TMEM132D: variants seen among roughly 807,000 people sequenced by gnomAD.
The protein encoded by TMEM132D is transmembrane protein 132D, also known as mature OL transmembrane protein.
TMEM132D carries 21 observed loss-of-function variants against 62.3 expected under a neutral mutation model. That is an observed-to-expected ratio of 0.34 (90% CI 0.24 to 0.49). The LOEUF (loss-of-function observed/expected upper bound fraction) is 0.49, where lower values mean the gene tolerates loss of function less well. Ranked by LOEUF, TMEM132D falls within the 20% of genes least tolerant of loss-of-function variation. The probability of loss-of-function intolerance (pLI) is 0.99; values close to 1 mark genes in which losing one functional copy is unlikely to be tolerated. For missense variants in TMEM132D, 1,346 were observed against 1,402.8 expected, an observed-to-expected ratio of 0.96 and a Z score of 0.65; for synonymous variants, 621 against 575.6, an observed-to-expected ratio of 1.08 and a Z score of -1.13.
chr12:129,690,483 A>T (rs1881038372), intron 2 of TMEM132D, among the ~76,000 whole-genome samples: 1 of 152,186 alleles, frequency 6.6e-6, no homozygotes, highest in Non-Finnish European at 1.5e-5. Flanking sequence ...GACTTTAACA[A>T]GTTAAAAGTA....
chr12:129,901,699 A>G (rs541689035), intron 1 of TMEM132D, among the ~76,000 whole-genome samples: 6 of 152,352 alleles, frequency 3.9e-5, no homozygotes, highest in African/African-American at 1.2e-4. Context: ...AACACTGCTC[A>G]GTCTAATAAA....
intron 3 of TMEM132D, among the ~76,000 whole-genome samples, chr12:129,392,502 C>A (rs1167783998): frequency 3.3e-5 from 5 of 152,222 alleles, no homozygotes; most frequent in African/African-American, 1.2e-4. Context: ...GTCTCATGGG[C>A]CTGCACATCC....
chr12:129,274,138 A>T (rs1880937909), intron 4 of TMEM132D, among the ~76,000 whole-genome samples: 1 of 151,830 alleles, frequency 6.6e-6, no homozygotes, highest in Admixed American at 6.5e-5. Context: ...ATGATGCCGG[A>T]AGTCTTATGC....
chr12:129,807,306 C>T (rs746616612), intron 1 of TMEM132D, among the ~76,000 whole-genome samples: 1 of 152,222 alleles, frequency 6.6e-6, no homozygotes, highest in Non-Finnish European at 1.5e-5. Context: ...GCTGCGCCTG[C>T]GTTCTGTTAC....
chr12:129,169,377 T>C (rs1389326598), intron 5 of TMEM132D, among the ~76,000 whole-genome samples: 1 of 152,204 alleles, frequency 6.6e-6, no homozygotes, highest in East Asian at 1.9e-4. Flanking sequence ...ATGTTGTGGC[T>C]GGAGCTATGG....
chr12:129,168,542 G>A (rs753570233), intron 5 of TMEM132D, among the ~76,000 whole-genome samples: 2 of 152,124 alleles, frequency 1.3e-5, no homozygotes, highest in East Asian at 3.9e-4. Flanking sequence ...TTCACGTCCA[G>A]CTTCCTTCAC....
intron 3 of TMEM132D, among the ~76,000 whole-genome samples, chr12:129,495,061 G>A (rs1874910970): frequency 6.6e-6 from 1 of 152,208 alleles, no homozygotes; most frequent in Admixed American, 6.5e-5. Flanking sequence ...AACATAGGCT[G>A]CCTGATAGGG....
chr12:129,367,411 C>T (rs1179070882), intron 3 of TMEM132D, among the ~76,000 whole-genome samples: 1 of 152,148 alleles, frequency 6.6e-6, no homozygotes, highest in Non-Finnish European at 1.5e-5. Flanking sequence ...TAGGGAACTT[C>T]CCCTCCCTGA....
chr12:129,486,221 C>T (rs1874574365), intron 3 of TMEM132D, among the ~76,000 whole-genome samples: 1 of 152,222 alleles, frequency 6.6e-6, no homozygotes, highest in African/African-American at 2.4e-5. Flanking sequence ...CCGCTGCAGT[C>T]CCTTGCTACA....
intron 5 of TMEM132D, among the ~76,000 whole-genome samples, chr12:129,091,131 C>T (rs1428386649): frequency 7.2e-5 from 11 of 152,178 alleles, no homozygotes; most frequent in Non-Finnish European, 1.5e-4. Flanking sequence ...TATGATATTC[C>T]GTCAGGCTGG....
At chr12:129,211,538 C>T (rs76815048) in intron 4 of TMEM132D, among the ~76,000 whole-genome samples, 125 of 152,314 alleles carry the variant, frequency 8.2e-4, no homozygotes, top group African/African-American at 2.9e-3. Context: ...CCTAAAATTA[C>T]ATAACTATTT....
chr12:129,705,004 T>G, intron 1 of TMEM132D, among the ~76,000 whole-genome samples: 1 of 152,132 alleles, frequency 6.6e-6, no homozygotes, highest in Non-Finnish European at 1.5e-5. Context: ...TTTAAAATGG[T>G]TTCAGATGCA....
chr12:129,315,138 T>C (rs1200650444), intron 4 of TMEM132D, among the ~76,000 whole-genome samples: 1 of 152,164 alleles, frequency 6.6e-6, no homozygotes, highest in Admixed American at 6.5e-5. Flanking sequence ...CCTTTATTTC[T>C]TTCTCTTGTC....
chr12:129,632,237 C>T (rs1330609414), intron 2 of TMEM132D, among the ~76,000 whole-genome samples: 1 of 152,076 alleles, frequency 6.6e-6, no homozygotes, highest in African/African-American at 2.4e-5. Flanking sequence ...TATAATCATG[C>T]CTCGGTAAAA....
intron 3 of TMEM132D, among the ~76,000 whole-genome samples, chr12:129,427,244 G>A (rs1257097542): frequency 1.3e-5 from 2 of 152,154 alleles, no homozygotes; most frequent in Non-Finnish European, 2.9e-5. Context: ...AGCCTCAGGT[G>A]GGGCATCATA....
chr12:129,151,199 G>A (rs972371411), intron 5 of TMEM132D, among the ~76,000 whole-genome samples: 1 of 152,204 alleles, frequency 6.6e-6, no homozygotes, highest in Non-Finnish European at 1.5e-5. Context: ...AGTGAACACA[G>A]CCTGCCTCTG....
chr12:129,527,660 G>A (rs1470453041), intron 3 of TMEM132D, among the ~76,000 whole-genome samples: 1 of 152,174 alleles, frequency 6.6e-6, no homozygotes, highest in African/African-American at 2.4e-5. Context: ...AGAACTACAA[G>A]GAAATGAGAA....
In TMEM132D at chr12:129,087,119, A is replaced by G. The variant is rs549054861; in HGVS notation, c.1444-2417T>C. Among the ~76,000 whole-genome samples, 362 of 152,096 alleles carry G rather than the reference A, an allele frequency of 2.4e-3. 1 individual carries two copies. Among genetic ancestry groups the G allele is most frequent in the African/African-American group, 8.5e-3 (353 of 41,492 alleles). On this transcript the variant is annotated intron_variant, in intron 5 of 8. Transcript: ENST00000422113. ...GCATAACTGAAACTTTCTATCTTTG[A>G]CCATCCTCTCTCCATGTCACCCACT... is the stretch of plus-strand genomic sequence containing the variant.
At chr12:129,079,768 G>T (rs1183604450) in intron 7 of TMEM132D, among the ~76,000 whole-genome samples, 1 of 152,186 alleles carries the variant, frequency 6.6e-6, no homozygotes, top group Non-Finnish European at 1.5e-5. Context: ...ATGGTGGCGA[G>T]CATGAGAGGT....
Sources: allele counts gnomAD v4.1 joint callset (sites outside exome capture counted in the v4.1 genomes callset), GRCh38; gene constraint gnomAD v4.1.1; transcripts MANE v1.5; gene names NCBI Gene and HGNC (gene_info 2026-07-23, HGNC 2026-07-21).